Variants in NCKAP5 observed in about 807,000 individuals in gnomAD.
NCKAP5 encodes the protein NCK associated protein 5.
Under a neutral mutation model 167.0 loss-of-function variants are expected in NCKAP5, and 92 were observed. The observed-to-expected ratio is 0.55, with a 90% CI of 0.47 to 0.66. The LOEUF (loss-of-function observed/expected upper bound fraction) is 0.66, where lower values mean the gene tolerates loss of function less well. NCKAP5 is among the 30% of genes least tolerant of loss of function. The pLI is 0.00. For synonymous variants in NCKAP5, 891 were observed against 877.4 expected (o/e 1.02, Z -0.27); for missense variants, 2,378 against 2,315.0 (o/e 1.03, Z -0.56).
chr2:133,629,359 CA>C, the NCKAP5 span, among the ~76,000 whole-genome samples: 2 of 152,064 alleles, frequency 1.3e-5, no homozygotes, highest in African/African-American at 2.4e-5. Context: ...GACATTTATG[CA>C]GCCAAAAAAC....
At chr2:133,187,113 A>T (rs983173918) in intron 5 of NCKAP5, among the ~76,000 whole-genome samples, 1 of 152,014 alleles carries the variant, frequency 6.6e-6, no homozygotes, top group Non-Finnish European at 1.5e-5. Context: ...TCCTCTTATC[A>T]TTGCTTTAGC....
rs540322288 is a variant in NCKAP5 at position 132,837,832 on chromosome 2, C to T, written c.807+22660G>A. On this transcript the variant is annotated intron_variant, in intron 11 of 19. Coordinates refer to ENST00000409261, the MANE Select transcript of NCKAP5 (RefSeq NM_207363.3). ...GGAGCTGACTTCCCACTGGGGAGACCTCCAAATGCCAGGAACTGGAGGCTG... is the reference window on the plus strand; with the variant it reads ...GGAGCTGACTTCCCACTGGGGAGACTTCCAAATGCCAGGAACTGGAGGCTG... Among the ~76,000 whole-genome samples the T allele has an allele frequency of 3.3e-5, 5 of 152,266 alleles. No individual in the cohort carries two copies. In the South Asian group the frequency reaches 1.0e-3, roughly 32 times the overall value.
chr2:132,716,752 C>T (rs1324634856), intron 19 of NCKAP5, among the ~76,000 whole-genome samples: 1 of 152,208 alleles, frequency 6.6e-6, no homozygotes, highest in African/African-American at 2.4e-5. Context: ...CTACGGCACA[C>T]TGCTCTTTCG....
At chr2:132,964,103 G>A (rs1381379367) in intron 7 of NCKAP5, among the ~76,000 whole-genome samples, 1 of 152,214 alleles carries the variant, frequency 6.6e-6, no homozygotes, top group African/African-American at 2.4e-5. Context: ...CCTTTGCACA[G>A]TTGGAGAAGT....
intron 8 of NCKAP5, among the ~76,000 whole-genome samples, chr2:132,922,380 T>A (rs971302105): frequency 8.5e-5 from 13 of 152,316 alleles, no homozygotes; most frequent in Middle Eastern, 3.4e-3. Flanking sequence ...CAGTAGAATG[T>A]TGCTCTGCCA....
chr2:133,550,453 C>G (rs1156322918), intron 2 of NCKAP5, among the ~76,000 whole-genome samples: 1 of 151,654 alleles, frequency 6.6e-6, no homozygotes, highest in African/African-American at 2.4e-5. Context: ...ATATGCAAAT[C>G]AATAAATGTA....
At chr2:132,953,713 AT>A (rs1343199540) in intron 8 of NCKAP5, among the ~76,000 whole-genome samples, 13 of 151,676 alleles carry the variant, frequency 8.6e-5, no homozygotes, top group African/African-American at 2.9e-4. Flanking sequence ...GAAAAAAAAA[AT>A]AAGCAGTAAC....
chr2:133,673,934 A>C, the NCKAP5 span, among the ~76,000 whole-genome samples: 1 of 152,200 alleles, frequency 6.6e-6, no homozygotes, highest in East Asian at 1.9e-4. Flanking sequence ...TTCATTGATC[A>C]ATTGATGGTT....
At position 133,388,819 on chromosome 2, in the gene NCKAP5, G is replaced by A. The variant is rs113961078; in HGVS notation, c.70-85709C>T. ...TAGCAATGAGCAAGGCTGCGTGGGC[G>A]TGGGACCCTCCGAGCCAGGTGTGGG... On this transcript the variant is annotated intron_variant, in intron 3 of 19. Coordinates refer to ENST00000409261, the MANE Select transcript of NCKAP5 (RefSeq NM_207363.3). Among the ~76,000 whole-genome samples the A allele has an allele frequency of 8.1e-4, 123 of 152,330 alleles. 4 individuals carry two copies. Among genetic ancestry groups the A allele is most frequent in the African/African-American group, 2.3e-3 (96 of 41,596 alleles).
the NCKAP5 span, among the ~76,000 whole-genome samples, chr2:133,647,594 GGA>G: frequency 8.6e-4 from 119 of 137,842 alleles, no homozygotes; most frequent in Non-Finnish European, 5.6e-4. Context: ...ATATAGAGAG[GGA>G]GAGAGAGAGA....
chr2:132,783,737 G>A lies in NCKAP5; in HGVS notation c.3074C>T (p.Pro1025Leu), dbSNP rs975790997. Residue 1025 changes from proline (P) to leucine (L), a missense_variant, in exon 14 of 20, where the codon CCC (proline) becomes CTC (leucine). Physicochemically the swap from Pro to Leu is moderately conservative, Grantham distance 98. Coordinates refer to ENST00000409261, the MANE Select transcript of NCKAP5 (RefSeq NM_207363.3). ...AGCCATTACGGTGAAGGAGCTGGAG[G>A]GGGCATGAGCAGGGCATCGGGTTTG... The part of the protein sequence containing the change: ...VIQTRCPAHA[P>L]SSSFTVMALG... The A allele has an allele frequency of 1.2e-6, 2 of 1,608,810 alleles. No individual in the cohort carries two copies. The highest frequency in any genetic ancestry group is 1.7e-6 in the Non-Finnish European group (2 of 1,177,620).
intron 2 of NCKAP5, among the ~76,000 whole-genome samples, chr2:133,552,188 G>A (rs1246093293): frequency 1.0e-4 from 9 of 87,034 alleles, no homozygotes; most frequent in African/African-American, 2.8e-4. Context: ...TCAGTGTGGC[G>A]ATTCCTCAGG....
chr2:132,842,599 C>T (rs1688368712), intron 11 of NCKAP5, among the ~76,000 whole-genome samples: 1 of 152,018 alleles, frequency 6.6e-6, no homozygotes, highest in South Asian at 2.1e-4. Context: ...GTCACCCAGG[C>T]TGGAGTACAA....
intron 4 of NCKAP5, among the ~76,000 whole-genome samples, chr2:133,283,347 A>G (rs1379454615): frequency 6.6e-6 from 1 of 152,178 alleles, no homozygotes; most frequent in Non-Finnish European, 1.5e-5. Flanking sequence ...GTTCACCCCC[A>G]GTAATTCAGC....
intron 2 of NCKAP5, among the ~76,000 whole-genome samples, chr2:133,553,669 C>A (rs1475092999): frequency 1.3e-5 from 2 of 152,006 alleles, no homozygotes; most frequent in African/African-American, 4.8e-5. Flanking sequence ...CAGCATCATC[C>A]CTAGTCACCC....
intron 6 of NCKAP5, among the ~76,000 whole-genome samples, chr2:133,045,485 T>C (rs1388952158): frequency 5.3e-5 from 8 of 152,122 alleles, no homozygotes; most frequent in African/African-American, 1.7e-4. Context: ...AAGGTGGCCA[T>C]ATTTCTATTT....
chr2:132,834,476 C>G (rs1558836373), intron 11 of NCKAP5, among the ~76,000 whole-genome samples: 2 of 152,202 alleles, frequency 1.3e-5, no homozygotes, highest in Non-Finnish European at 2.9e-5. Flanking sequence ...TCCCGAGTAC[C>G]TGGGACTACA....
chr2:132,879,040 T>C (rs570307841), intron 8 of NCKAP5, 124 bp from the exon 9 acceptor site: 4 of 746,844 alleles, frequency 5.4e-6, no homozygotes, highest in East Asian at 5.3e-5. Flanking sequence ...GAAGTACCTA[T>C]GACAAGTTCA....
intron 5 of NCKAP5, among the ~76,000 whole-genome samples, chr2:133,190,469 C>T (rs2085164049): frequency 1.3e-5 from 2 of 152,276 alleles, no homozygotes; most frequent in South Asian, 4.1e-4. Context: ...CAAGACAATC[C>T]TAAGCCAAAA....
Sources: allele counts gnomAD v4.1 joint callset (sites outside exome capture counted in the v4.1 genomes callset), GRCh38; gene constraint gnomAD v4.1.1; transcripts MANE v1.5; gene names NCBI Gene and HGNC (gene_info 2026-07-23, HGNC 2026-07-21).